The following CCNB3 variants were observed in gnomAD, a reference collection of about 807,000 sequenced individuals.
CCNB3 encodes the protein cyclin B3, also known as G2/mitotic-specific cyclin-B3.
A neutral mutation model predicts 68.0 loss-of-function variants in CCNB3; 12 were observed. That is an observed-to-expected ratio of 0.18 (90% CI 0.11 to 0.29). CCNB3 has a LOEUF of 0.29. CCNB3 is among the 10% of genes least tolerant of loss of function. CCNB3 has a pLI of 1.00. For missense variants in CCNB3, 904 were observed against 993.1 expected, an observed-to-expected ratio of 0.91 and a Z score of 1.21; for synonymous variants, 354 against 388.9, an observed-to-expected ratio of 0.91 and a Z score of 1.06.
intron 5 of CCNB3, among the ~76,000 whole-genome samples, chrX:50,304,879 A>T (rs1178148099): frequency 8.9e-6 from 1 of 112,404 alleles, no homozygotes; most frequent in African/African-American, 3.2e-5. Flanking sequence ...GAAGACATTT[A>T]TGCAGCCAAA....
At chrX:50,302,861 T>C (rs1242022468) in intron 5 of CCNB3, among the ~76,000 whole-genome samples, 2 of 112,251 alleles carry the variant, frequency 1.8e-5, no homozygotes, top group Non-Finnish European at 3.8e-5. Context: ...CATCTATCAG[T>C]TGATAGATAT....
intron 1 of CCNB3, among the ~76,000 whole-genome samples, chrX:50,279,074 A>G (rs1239476283): frequency 1.7e-5 from 1 of 59,337 alleles, no homozygotes; most frequent in Non-Finnish European, 2.8e-5. Context: ...TATTTATAGA[A>G]CATATATAAA....
intron 1 of CCNB3, among the ~76,000 whole-genome samples, chrX:50,206,620 T>G (rs1557205540): frequency 1.8e-5 from 2 of 109,302 alleles, no homozygotes; most frequent in Non-Finnish European, 3.8e-5. Context: ...TAGTATTACT[T>G]TATGACAGCT....
At chrX:50,338,538 A>G (rs1922970339) in intron 8 of CCNB3, among the ~76,000 whole-genome samples, 1 of 111,945 alleles carries the variant, frequency 8.9e-6, no homozygotes, top group Non-Finnish European at 1.9e-5. Flanking sequence ...TTTCCATACA[A>G]TGTCTGGTAT....
chrX:50,226,926 T>A (rs1399967288), intron 1 of CCNB3, among the ~76,000 whole-genome samples: 1 of 64,001 alleles, frequency 1.6e-5, no homozygotes, highest in Non-Finnish European at 2.4e-5. Context: ...ATATATAGAA[T>A]ATATATAGTA....
intron 1 of CCNB3, among the ~76,000 whole-genome samples, chrX:50,223,870 G>A (rs944000847): frequency 1.6e-4 from 18 of 112,024 alleles, no homozygotes; most frequent in Non-Finnish European, 2.6e-4. Context: ...GCCCACAGCT[G>A]CCATTTCCCT....
chrX:50,322,041 G>GTTTT (rs1371750293), intron 8 of CCNB3, among the ~76,000 whole-genome samples: 1 of 95,913 alleles, frequency 1.0e-5, no homozygotes, highest in Non-Finnish European at 2.1e-5. Context: ...TTTATTGCTA[G>GTTTT]TTTTTTTTTT....
chrX:50,324,193 C>T lies in CCNB3; in HGVS notation c.3516+10245C>T, dbSNP rs1352503564. ...CAGAGTAGCTGGGATTACAGGCGTG[C>T]GCCACTACTGCCTGGCTAATTTTTG... is the stretch of plus-strand genomic sequence containing the variant. On this transcript the variant is annotated intron_variant, in intron 8 of 12. Coordinates refer to ENST00000376042, the MANE Select transcript of CCNB3 (RefSeq NM_033031.3). Among the ~76,000 whole-genome samples, 11 of 111,174 alleles carry T rather than the reference C, an allele frequency of 9.9e-5. No individual in the cohort carries two copies. In the South Asian group the frequency reaches 1.5e-3, roughly 15 times the overall value.
At chrX:50,228,138 AATAT>A (rs1287274622) in intron 1 of CCNB3, among the ~76,000 whole-genome samples, 3 of 91,512 alleles carry the variant, frequency 3.3e-5, no homozygotes, top group Non-Finnish European at 4.2e-5. Flanking sequence ...ATATATACAT[AATAT>A]ATATATAAAT....
At chrX:50,289,671 A>G (rs1209965348) in intron 4 of CCNB3, among the ~76,000 whole-genome samples, 1 of 111,677 alleles carries the variant, frequency 9.0e-6, no homozygotes, top group Non-Finnish European at 1.9e-5. Flanking sequence ...TATGAGGTAG[A>G]TACTATAATA....
chrX:50,226,519 A>G (rs1935813460), intron 1 of CCNB3, among the ~76,000 whole-genome samples: 1 of 76,715 alleles, frequency 1.3e-5, no homozygotes, highest in Non-Finnish European at 2.3e-5. Context: ...TAGAATATAT[A>G]GATATATATA....
At chrX:50,305,511 C>G (rs1187338465) in intron 5 of CCNB3, among the ~76,000 whole-genome samples, 6 of 109,723 alleles carry the variant, frequency 5.5e-5, no homozygotes, top group African/African-American at 2.0e-4. Context: ...GTTGTGGGGT[C>G]GGGGAAGAGG....
chrX:50,327,623 G>T (rs1922358906), intron 8 of CCNB3, among the ~76,000 whole-genome samples: 1 of 112,273 alleles, frequency 8.9e-6, no homozygotes, highest in African/African-American at 3.2e-5. Flanking sequence ...TTAGAGAACT[G>T]CTGCTTTCTA....
intron 3 of CCNB3, 138 bp from the exon 4 acceptor site, chrX:50,288,642 T>C: frequency 2.3e-6 from 1 of 430,048 alleles, no homozygotes; most frequent in South Asian, 4.3e-5. Context: ...CCTTTTGTTA[T>C]AGTTTATTGG....
chrX:50,351,739 G>T lies in CCNB3; in HGVS notation c.*36G>T. 1.9e-6 allele frequency: 2 copies of T among 1,032,813 alleles called. No homozygotes were observed. The highest frequency in any genetic ancestry group is 1.3e-6 in the Non-Finnish European group (1 of 750,248). 85.1% of individuals were successfully genotyped at this position (1,032,813 alleles called of 1,213,427 possible). Reference sequence around the variant, plus strand: ...AGGGCTAAGCATGCATGTTAACAGGGTATATTTATTCTATGTTCGAATTTG... The same window carrying T: ...AGGGCTAAGCATGCATGTTAACAGGTTATATTTATTCTATGTTCGAATTTG... On this transcript the variant is annotated 3_prime_UTR_variant, in exon 13 of 13. Transcript: ENST00000376042.
chrX:50,288,726 C>T (rs967372713), intron 3 of CCNB3, 54 bp from the exon 4 acceptor site: 3 of 945,273 alleles, frequency 3.2e-6, no homozygotes, highest in Non-Finnish European at 3.0e-6. Flanking sequence ...CCCAAAGTCC[C>T]TGAAGAGACT....
At chrX:50,218,358 T>C (rs1305051707) in intron 1 of CCNB3, among the ~76,000 whole-genome samples, 1 of 111,500 alleles carries the variant, frequency 9.0e-6, no homozygotes, top group Non-Finnish European at 1.9e-5. Context: ...GGTATACATG[T>C]GCCATGGTGG....
At chrX:50,208,362 C>G (rs1391593511) in intron 1 of CCNB3, among the ~76,000 whole-genome samples, 1 of 112,293 alleles carries the variant, frequency 8.9e-6, no homozygotes, top group African/African-American at 3.2e-5. Flanking sequence ...TATGTTAACC[C>G]TGAACCACAC....
intron 5 of CCNB3, among the ~76,000 whole-genome samples, chrX:50,304,572 C>G (rs187643910): frequency 1.8e-5 from 2 of 111,861 alleles, no homozygotes; most frequent in African/African-American, 6.5e-5. Flanking sequence ...CTAGGCAGTA[C>G]CATTCAGGAC....
Sources: allele counts gnomAD v4.1 joint callset (sites outside exome capture counted in the v4.1 genomes callset), GRCh38; gene constraint gnomAD v4.1.1; transcripts MANE v1.5; gene names NCBI Gene and HGNC (gene_info 2026-07-23, HGNC 2026-07-21).